Variants in ANK2 observed in about 807,000 individuals in gnomAD.
ANK2 encodes ankyrin 2, also known as ankyrin-2.
Under a neutral mutation model 360.5 loss-of-function variants are expected in ANK2, and 83 were observed. That is an observed-to-expected ratio of 0.23 (90% confidence interval 0.19 to 0.28). The LOEUF (loss-of-function observed/expected upper bound fraction) is 0.28, where lower values mean the gene tolerates loss of function less well. Among genes scored for constraint, ANK2 ranks in the 10% least tolerant of loss-of-function variants. ANK2 has a pLI of 1.00. For synonymous variants in ANK2, 1,740 were observed against 1,759.5 expected (o/e 0.99, Z 0.28); for missense variants, 4,201 against 4,795.7 (o/e 0.88, Z 3.66).
At chr4:113,032,615 G>C (rs768871053) in intron 2 of ANK2, among the ~76,000 whole-genome samples, 1 of 152,040 alleles carries the variant, frequency 6.6e-6, no homozygotes, top group Non-Finnish European at 1.5e-5. Context: ...ACATGACTTT[G>C]AGGTATTGCC....
chr4:112,733,001 G>A, the ANK2 span, among the ~76,000 whole-genome samples: 6 of 151,890 alleles, frequency 4.0e-5, no homozygotes, highest in African/African-American at 1.2e-4. Context: ...AGTAAATCAC[G>A]AGGTCAGGAG....
chr4:113,380,254 TA>T (rs11307685), intron 45 of ANK2, among the ~76,000 whole-genome samples: 11,554 of 143,226 alleles, frequency 0.081, 627 homozygotes, highest in Middle Eastern at 0.19. Context: ...TACTTTACTC[TA>T]AAAAAAAAAA....
At position 113,315,625 on chromosome 4, in the gene ANK2, A is replaced by G. The variant is rs189849182; in HGVS notation, c.2694-2082A>G. Among the ~76,000 whole-genome samples, 504 of 152,320 alleles carry G rather than the reference A, an allele frequency of 3.3e-3. 1 individual carries two copies. The highest frequency in any genetic ancestry group is 0.021 in the Middle Eastern group (6 of 292). Reference sequence around the variant, plus strand: ...TAAGAGTTGCTGATCTAGCCCGGGCATAGTGGCTCACGCCTGTAATCCCAG... The same window carrying G: ...TAAGAGTTGCTGATCTAGCCCGGGCGTAGTGGCTCACGCCTGTAATCCCAG... On this transcript the variant is annotated intron_variant, in intron 24 of 45. Transcript: ENST00000357077.
chr4:112,950,441 G>A (rs1022278068), intron 2 of ANK2, among the ~76,000 whole-genome samples: 2 of 151,590 alleles, frequency 1.3e-5, no homozygotes, highest in South Asian at 2.1e-4. Context: ...TCAGGAGATC[G>A]AGACCATCCT....
intron 2 of ANK2, among the ~76,000 whole-genome samples, chr4:113,032,570 C>A (rs2060645493): frequency 6.6e-6 from 1 of 151,936 alleles, no homozygotes; most frequent in South Asian, 2.1e-4. Flanking sequence ...TTATATGGTC[C>A]TCACATCTTT....
the ANK2 span, among the ~76,000 whole-genome samples, chr4:112,712,415 T>A: frequency 2.1e-5 from 3 of 143,148 alleles, no homozygotes; most frequent in African/African-American, 7.7e-5. Flanking sequence ...TATTTTTTTT[T>A]TTTTTTTTTT....
At chr4:112,740,988 C>CA in the ANK2 span, among the ~76,000 whole-genome samples, 46 of 150,496 alleles carry the variant, frequency 3.1e-4, 1 homozygote, top group East Asian at 4.3e-3. Flanking sequence ...AACTCTGTCT[C>CA]AAAAAAATTT....
At chr4:113,323,661 A>T (rs1482208749) in intron 26 of ANK2, 1 of 1,127,856 alleles carries the variant, frequency 8.9e-7, no homozygotes, top group Non-Finnish European at 1.2e-6. Context: ...TCAATGAATA[A>T]GGTATTGGTG....
intron 9 of ANK2, among the ~76,000 whole-genome samples, chr4:113,248,792 T>C (rs967241817): frequency 2.0e-5 from 3 of 152,200 alleles, no homozygotes; most frequent in Admixed American, 6.5e-5. Flanking sequence ...CACCATCCAT[T>C]CTCTGTGATT....
chr4:112,922,330 G>A (rs573240337), intron 2 of ANK2, among the ~76,000 whole-genome samples: 5 of 152,252 alleles, frequency 3.3e-5, no homozygotes, highest in South Asian at 2.1e-4. Flanking sequence ...TATGGCTCAT[G>A]GTGTTGCATT....
At chr4:112,765,123 A>G in the ANK2 span, among the ~76,000 whole-genome samples, 2 of 152,248 alleles carry the variant, frequency 1.3e-5, no homozygotes, top group Admixed American at 6.5e-5. Flanking sequence ...GCAGCTTGAC[A>G]TAATTGTTCA....
intron 2 of ANK2, among the ~76,000 whole-genome samples, chr4:112,914,897 G>A (rs2089208119): frequency 6.6e-6 from 1 of 152,192 alleles, no homozygotes; most frequent in Non-Finnish European, 1.5e-5. Context: ...GGGGATACCT[G>A]AAGGAATACA....
At chr4:113,072,175 C>T (rs2077828965) in intron 1 of ANK2, among the ~76,000 whole-genome samples, 1 of 152,204 alleles carries the variant, frequency 6.6e-6, no homozygotes, top group African/African-American at 2.4e-5. Context: ...CTGTGTTTCT[C>T]TCCCCAGCAC....
chr4:113,069,983 C>T (rs1330464400), intron 1 of ANK2: 3 of 152,102 alleles, frequency 2.0e-5, no homozygotes, highest in Non-Finnish European at 2.9e-5. Flanking sequence ...TAACCTCATC[C>T]GAAGTCCTGG....
chr4:113,235,482 A>T (rs2099364648), intron 5 of ANK2, among the ~76,000 whole-genome samples: 1 of 152,238 alleles, frequency 6.6e-6, no homozygotes, highest in Admixed American at 6.5e-5. Flanking sequence ...TGGAGTAGTT[A>T]AATTGTGGTA....
Position 113,357,314 on chromosome 4 carries a change from C to T in ANK2, c.8696C>T (p.Thr2899Ile). 6.2e-7 allele frequency: 1 copy of T among 1,614,112 alleles called. No individual in the cohort carries two copies. Among genetic ancestry groups the T allele is most frequent in the South Asian group, 1.1e-5 (1 of 91,086 alleles). The part of the protein sequence containing the change: ...DCPSQDSSIT[T>I]QTDRFSMDVP... ...CCCTCTCAAGACTCATCCATTACTA[C>T]TCAAACAGATAGATTTTCCATGGAT... The change falls in exon 38 of 46, where the codon ACT (threonine) becomes ATT (isoleucine). Residue 2899 changes from threonine (T) to isoleucine (I), a missense_variant. Coordinates refer to ENST00000357077, the MANE Select transcript of ANK2 (RefSeq NM_001148.6).
chr4:113,233,891 T>G (rs2099350272), intron 5 of ANK2, among the ~76,000 whole-genome samples: 1 of 152,290 alleles, frequency 6.6e-6, no homozygotes, highest in East Asian at 1.9e-4. Flanking sequence ...TTGGGACCTT[T>G]TTTTCCCTCA....
chr4:113,343,172 T>A, intron 34 of ANK2, 30 bp downstream of exon 34: 1 of 1,608,484 alleles, frequency 6.2e-7, no homozygotes. Context: ...TTGTGATGCA[T>A]TTTTTTCAAG....
At chr4:112,975,016 A>G (rs1449179408) in intron 2 of ANK2, among the ~76,000 whole-genome samples, 1 of 152,206 alleles carries the variant, frequency 6.6e-6, no homozygotes, top group Non-Finnish European at 1.5e-5. Flanking sequence ...AAAGTAAAAC[A>G]TTTGCTAAAA....
Sources: gnomAD v4.1 joint callset for allele counts (sites outside exome capture counted in the v4.1 genomes callset) on GRCh38, gnomAD v4.1.1 for gene constraint, MANE v1.5 for transcripts, NCBI Gene and HGNC (gene_info 2026-07-23, HGNC 2026-07-21) for gene names.